The following NTN1 variants were observed in gnomAD, a reference collection of about 807,000 sequenced individuals.
NTN1 encodes netrin-1.
A neutral mutation model predicts 54.2 loss-of-function variants in NTN1; 11 were observed. The ratio of observed to expected loss-of-function variants is 0.20; its 90% confidence interval spans 0.13 to 0.34. The LOEUF (loss-of-function observed/expected upper bound fraction) is 0.34, where lower values mean the gene tolerates loss of function less well. NTN1 is among the 10% of genes least tolerant of loss of function. The pLI is 1.00. For missense variants in NTN1, 740 were observed against 893.1 expected (o/e 0.83, Z 2.18); for synonymous variants, 371 against 382.0 (o/e 0.97, Z 0.33).
intron 3 of NTN1, among the ~76,000 whole-genome samples, chr17:9,178,444 C>T (rs1035584719): frequency 6.6e-5 from 10 of 152,194 alleles, no homozygotes; most frequent in African/African-American, 1.9e-4. Flanking sequence ...TTCTCTTCTC[C>T]ACCTTCCTCC....
At chr17:9,185,442 G>T (rs2092430447) in intron 5 of NTN1, among the ~76,000 whole-genome samples, 1 of 152,222 alleles carries the variant, frequency 6.6e-6, no homozygotes, top group South Asian at 2.1e-4. Flanking sequence ...AATAAGCTGA[G>T]AATTTGTTCT....
chr17:9,182,166 G>A (rs1258974435), intron 4 of NTN1, among the ~76,000 whole-genome samples: 3 of 152,104 alleles, frequency 2.0e-5, no homozygotes, highest in African/African-American at 7.2e-5. Context: ...TCTTGTAGAG[G>A]CAAGGTCTTG....
chr17:9,166,816 A>C (rs1163967830), intron 3 of NTN1, among the ~76,000 whole-genome samples: 2 of 152,292 alleles, frequency 1.3e-5, no homozygotes, highest in East Asian at 3.9e-4. Context: ...TCTTTACCCC[A>C]GACTTTACAG....
At chr17:9,052,987 T>C (rs1320897546) in intron 2 of NTN1, among the ~76,000 whole-genome samples, 3 of 152,226 alleles carry the variant, frequency 2.0e-5, no homozygotes, top group Non-Finnish European at 2.9e-5. Context: ...GACTTTGCTG[T>C]TATTATGTGG....
chr17:9,052,926 CA>C (rs1399544273), intron 2 of NTN1, among the ~76,000 whole-genome samples: 1 of 152,204 alleles, frequency 6.6e-6, no homozygotes, highest in Admixed American at 6.5e-5. Flanking sequence ...TCTGGCCTCT[CA>C]ATAGCTGCTT....
chr17:9,169,851 C>T (rs570335843), intron 3 of NTN1, among the ~76,000 whole-genome samples: 10 of 152,198 alleles, frequency 6.6e-5, no homozygotes, highest in South Asian at 2.1e-4. Flanking sequence ...GGTGACAGGG[C>T]GAGACTCCGT....
chr17:9,102,024 C>T (rs756601878), intron 2 of NTN1, among the ~76,000 whole-genome samples: 1 of 152,186 alleles, frequency 6.6e-6, no homozygotes, highest in Non-Finnish European at 1.5e-5. Flanking sequence ...AAATAATAAA[C>T]ATGATCTGGT....
intron 2 of NTN1, among the ~76,000 whole-genome samples, chr17:9,084,379 C>A (rs1176784366): frequency 6.6e-6 from 1 of 152,190 alleles, no homozygotes; most frequent in Non-Finnish European, 1.5e-5. Context: ...TTTGTCTAGT[C>A]ATTGTGTGGG....
In NTN1 at chr17:9,060,974, C is replaced by CAA. The variant is rs10689277; in HGVS notation, c.1018+37599_1018+37600dup. Among the ~76,000 whole-genome samples, 61 of 108,778 alleles carry CAA rather than the reference C, an allele frequency of 5.6e-4. 8 individuals are homozygous for CAA. The highest frequency in any genetic ancestry group is 1.8e-3 in the African/African-American group (48 of 26,128). 71.4% of individuals were successfully genotyped at this position (108,778 alleles called of 152,430 possible). A position where few individuals can be genotyped will look rare whatever the true frequency, so the allele number is the denominator to read the frequency against. On this transcript the variant is annotated intron_variant, in intron 2 of 6. Coordinates refer to ENST00000173229, the MANE Select transcript of NTN1 (RefSeq NM_004822.3). ...CTGGTGACAGAGCAAGACTCTGTCT[C>CAA]AAAAAAAAAAAAAAAAAGTAGGCAA...
In NTN1 at chr17:9,022,661, G is replaced by A. The variant is rs2091855626; in HGVS notation, c.288G>A (p.Ala96=). 9 of 1,569,566 alleles carry A rather than the reference G, an allele frequency of 5.7e-6. No individual in the cohort carries two copies. The highest frequency in any genetic ancestry group is 7.8e-6 in the Non-Finnish European group (9 of 1,158,990). ...ERLRSCHLCN[A]SDPKKAHPPA... is the part of the protein sequence containing the mutation. ...TGCGCTCGTGCCACCTCTGCAACGC[G>A]TCCGACCCCAAGAAGGCGCACCCGC... Residue 96 remains alanine, a synonymous_variant, in exon 2 of 7, where the codon GCG becomes GCA. Coordinates refer to ENST00000173229, the MANE Select transcript of NTN1 (RefSeq NM_004822.3).
intron 6 of NTN1, among the ~76,000 whole-genome samples, chr17:9,234,679 G>A (rs1444718349): frequency 6.6e-6 from 1 of 152,236 alleles, no homozygotes; most frequent in Non-Finnish European, 1.5e-5. Context: ...CTCACTTGCA[G>A]CAGTCAGCTC....
intron 5 of NTN1, among the ~76,000 whole-genome samples, chr17:9,184,257 G>A (rs1353433286): frequency 1.3e-5 from 2 of 152,216 alleles, no homozygotes; most frequent in Non-Finnish European, 2.9e-5. Context: ...GCCAAAGACA[G>A]TTGAGTCTTG....
At chr17:9,044,812 A>C (rs2091936212) in intron 2 of NTN1, among the ~76,000 whole-genome samples, 1 of 152,188 alleles carries the variant, frequency 6.6e-6, no homozygotes, top group African/African-American at 2.4e-5. Context: ...AAAGTCATTC[A>C]ACTTCTTAAA....
At chr17:9,119,923 C>T (rs897140603) in intron 2 of NTN1, among the ~76,000 whole-genome samples, 5 of 152,002 alleles carry the variant, frequency 3.3e-5, no homozygotes, top group Non-Finnish European at 5.9e-5. Flanking sequence ...TATTTGTATA[C>T]GTTCTTTTGA....
chr17:9,195,231 C>T (rs1904599065), intron 5 of NTN1, among the ~76,000 whole-genome samples: 1 of 151,940 alleles, frequency 6.6e-6, no homozygotes, highest in African/African-American at 2.4e-5. Context: ...TCCATCACCC[C>T]AAGGAGCACA....
At chr17:9,169,555 A>C (rs1322888037) in intron 3 of NTN1, among the ~76,000 whole-genome samples, 1 of 152,172 alleles carries the variant, frequency 6.6e-6, no homozygotes, top group Non-Finnish European at 1.5e-5. Context: ...CTTGTCCCCA[A>C]ATGCCACATA....
rs2092113501 is a variant in NTN1, at chr17:9,092,213, A to G, written c.1018+68822A>G. The stretch of plus-strand genomic sequence containing the variant: ...CGACTGGCTTATTTCATTTAGTATC[A>G]TGTCACCATGGTTCACCCAAGTTGT... On this transcript the variant is annotated intron_variant, in intron 2 of 6. Transcript: ENST00000173229. Among the ~76,000 whole-genome samples the G allele has an allele frequency of 2.0e-5, 3 of 151,358 alleles. 1 individual carries two copies. The highest frequency in any genetic ancestry group is 2.0e-4 in the Admixed American group (3 of 15,184).
chr17:9,196,154 T>C (rs968056880), intron 5 of NTN1, among the ~76,000 whole-genome samples: 1 of 152,100 alleles, frequency 6.6e-6, no homozygotes, highest in Non-Finnish European at 1.5e-5. Context: ...GGGCCTGGGG[T>C]GCAGAGCCAG....
At chr17:9,187,085 C>G (rs1208284039) in intron 5 of NTN1, among the ~76,000 whole-genome samples, 2 of 152,014 alleles carry the variant, frequency 1.3e-5, no homozygotes, top group Non-Finnish European at 2.9e-5. Flanking sequence ...GCCTGTGACT[C>G]AGTGGAGGGA....
Sources: allele counts gnomAD v4.1 joint callset (sites outside exome capture counted in the v4.1 genomes callset), GRCh38; gene constraint gnomAD v4.1.1; transcripts MANE v1.5; gene names NCBI Gene and HGNC (gene_info 2026-07-23, HGNC 2026-07-21).